Variants in NTN1 observed in about 807,000 individuals in gnomAD.
The protein encoded by NTN1 is netrin 1.
NTN1 carries 11 observed loss-of-function variants against 54.2 expected under a neutral mutation model. The observed-to-expected ratio is 0.20, with a 90% confidence interval of 0.13 to 0.34. The LOEUF is 0.34. Ranked by LOEUF, NTN1 falls within the 10% of genes least tolerant of loss-of-function variation. The probability of loss-of-function intolerance (pLI) is 1.00; values close to 1 mark genes in which losing one functional copy is unlikely to be tolerated. For missense variants in NTN1, 740 were observed against 893.1 expected (o/e 0.83, Z 2.18); for synonymous variants, 371 against 382.0 (o/e 0.97, Z 0.33).
At chr17:9,222,206 G>A (rs1172751442) in intron 6 of NTN1, among the ~76,000 whole-genome samples, 3 of 152,298 alleles carry the variant, frequency 2.0e-5, no homozygotes, top group East Asian at 3.9e-4. Flanking sequence ...CTGGGCCCAC[G>A]AAAGTCCACA....
At chr17:9,054,584 G>A (rs952355397) in intron 2 of NTN1, among the ~76,000 whole-genome samples, 2 of 152,242 alleles carry the variant, frequency 1.3e-5, no homozygotes, top group African/African-American at 4.8e-5. Context: ...CCCTTATGAG[G>A]CAGAAAGAAA....
chr17:9,211,952 T>A lies in NTN1; in HGVS notation c.1412-9216T>A, dbSNP rs1158534277. 6.6e-6 allele frequency among the ~76,000 whole-genome samples: 1 copy of A among 152,220 alleles called. No individual in the cohort carries two copies. The highest frequency in any genetic ancestry group is 2.4e-5 in the African/African-American group (1 of 41,446). ...TTCCTGTGTTACAAACATTTTGGGC[T>A]TGCTTCTAGACCCTTACTTCCATAG... is the stretch of plus-strand genomic sequence containing the variant. On this transcript the variant is annotated intron_variant, in intron 5 of 6. Coordinates refer to ENST00000173229, the MANE Select transcript of NTN1 (RefSeq NM_004822.3). This position sits in a 1 kb window ranked among gnomAD's most constrained non-coding sequence, Gnocchi z 4.4.
intron 5 of NTN1, among the ~76,000 whole-genome samples, chr17:9,189,562 G>T (rs1904395007): frequency 2.0e-5 from 3 of 152,070 alleles, no homozygotes; most frequent in Admixed American, 1.3e-4. Flanking sequence ...ATGTTGGCCA[G>T]GCTGGTCTCG....
chr17:9,125,260 C>T (rs1017518864), intron 2 of NTN1, among the ~76,000 whole-genome samples: 5 of 149,988 alleles, frequency 3.3e-5, no homozygotes, highest in Admixed American at 6.6e-5. Context: ...TAGTTTCACT[C>T]TTGTCGCCCA....
At chr17:9,033,776 G>A (rs2091894718) in intron 2 of NTN1, among the ~76,000 whole-genome samples, 1 of 152,122 alleles carries the variant, frequency 6.6e-6, no homozygotes, top group African/African-American at 2.4e-5. Flanking sequence ...AATTAGCCGG[G>A]CGTGGTGGCA....
intron 2 of NTN1, among the ~76,000 whole-genome samples, chr17:9,072,027 C>T (rs892874375): frequency 6.6e-5 from 10 of 152,180 alleles, no homozygotes; most frequent in Non-Finnish European, 1.3e-4. Context: ...TGAGCACACA[C>T]GCAGCCCCGA....
chr17:9,050,034 CAGG>C (rs1251564786), intron 2 of NTN1, among the ~76,000 whole-genome samples: 2 of 151,278 alleles, frequency 1.3e-5, no homozygotes, highest in Non-Finnish European at 3.0e-5. Flanking sequence ...ATCATGAGGT[CAGG>C]AGATTGAGAC....
intron 6 of NTN1, among the ~76,000 whole-genome samples, chr17:9,227,306 C>T: frequency 6.9e-6 from 1 of 145,066 alleles, no homozygotes; most frequent in Non-Finnish European, 1.5e-5. Context: ...TACACAATCA[C>T]AAACACACCA....
chr17:9,181,660 G>A (rs1046066047), intron 4 of NTN1, among the ~76,000 whole-genome samples: 10 of 152,112 alleles, frequency 6.6e-5, no homozygotes, highest in Admixed American at 3.9e-4. Context: ...ATTTGCCCCC[G>A]GCCTGAGTAG....
the NTN1 span, among the ~76,000 whole-genome samples, chr17:9,016,456 A>G: frequency 7.3e-4 from 111 of 152,150 alleles, 1 homozygote; most frequent in Non-Finnish European, 1.5e-3. Flanking sequence ...CCCACCTCAT[A>G]GTCTTCTCTT....
intron 2 of NTN1, among the ~76,000 whole-genome samples, chr17:9,058,637 C>CAAAAAAAAAAAAAA (rs3053457): frequency 5.9e-4 from 35 of 58,894 alleles, no homozygotes; most frequent in Admixed American, 8.7e-4. Context: ...GGTAGGCACT[C>CAAAAAAAAAAAAAA]AAAAAAAAAA....
chr17:9,018,226 C>A (rs190840217), upstream of NTN1, among the ~76,000 whole-genome samples: 1 of 152,094 alleles, frequency 6.6e-6, no homozygotes, highest in Non-Finnish European at 1.5e-5. Context: ...GAAGGTGACC[C>A]CGCTCATCCT....
chr17:9,199,953 G>A (rs1904736185), intron 5 of NTN1, among the ~76,000 whole-genome samples: 1 of 152,240 alleles, frequency 6.6e-6, no homozygotes, highest in East Asian at 1.9e-4. Context: ...GCCCCAGGGT[G>A]TGCATTCTGC....
chr17:9,064,662 T>G (rs1283011899), intron 2 of NTN1, among the ~76,000 whole-genome samples: 1 of 152,212 alleles, frequency 6.6e-6, no homozygotes, highest in Non-Finnish European at 1.5e-5. Flanking sequence ...TTCACATCAT[T>G]CACACTGCCG....
At chr17:9,214,669 A>G (rs1259466981) in intron 5 of NTN1, among the ~76,000 whole-genome samples, 2 of 152,188 alleles carry the variant, frequency 1.3e-5, no homozygotes, top group Non-Finnish European at 2.9e-5. Flanking sequence ...AAAAATACAA[A>G]AAATTAGCCA....
chr17:9,167,061 G>A (rs983790227), intron 3 of NTN1, among the ~76,000 whole-genome samples: 5 of 152,162 alleles, frequency 3.3e-5, no homozygotes, highest in East Asian at 1.9e-4. Flanking sequence ...GGGTTGGTGC[G>A]TACAAAGGAC....
the NTN1 span, among the ~76,000 whole-genome samples, chr17:9,015,979 CAGG>C: frequency 7.9e-5 from 12 of 151,986 alleles, no homozygotes; most frequent in Non-Finnish European, 1.8e-4. Context: ...GAGGCTGAGG[CAGG>C]AGAATTGCTT....
intron 5 of NTN1, among the ~76,000 whole-genome samples, chr17:9,209,243 G>A (rs1057404747): frequency 1.6e-4 from 24 of 152,240 alleles, no homozygotes; most frequent in African/African-American, 5.3e-4. Context: ...TAGGTTGGAT[G>A]TGAACCCTTT....
intron 3 of NTN1, among the ~76,000 whole-genome samples, chr17:9,166,778 A>T (rs972534027): frequency 2.6e-5 from 4 of 152,108 alleles, no homozygotes; most frequent in African/African-American, 9.7e-5. Context: ...TTGACTCCCA[A>T]ATTGGCTTGG....
Sources: gnomAD v4.1 joint callset for allele counts (sites outside exome capture counted in the v4.1 genomes callset) on GRCh38, gnomAD v4.1.1 for gene constraint, Gnocchi (gnomAD v3.1) non-coding constraint, MANE v1.5 for transcripts, NCBI Gene and HGNC (gene_info 2026-07-23, HGNC 2026-07-21) for gene names.